SEMA3C: variants seen among roughly 807,000 people sequenced by gnomAD.
SEMA3C encodes semaphorin 3C.
Under a neutral mutation model 89.4 loss-of-function variants are expected in SEMA3C, and 47 were observed. That is an observed-to-expected ratio of 0.53 (90% CI 0.42 to 0.67). SEMA3C has a LOEUF of 0.67. Among genes scored for constraint, SEMA3C ranks in the 30% least tolerant of loss-of-function variants. SEMA3C has a pLI of 0.00. For missense variants in SEMA3C, 839 were observed against 929.1 expected (o/e 0.90, Z 1.26); for synonymous variants, 310 against 320.2 (o/e 0.97, Z 0.34).
At chr7:80,770,389 A>C (rs997841670) in intron 12 of SEMA3C, among the ~76,000 whole-genome samples, 3 of 152,166 alleles carry the variant, frequency 2.0e-5, no homozygotes, top group African/African-American at 7.2e-5. Context: ...CACAACTATA[A>C]ATCCTTTTTA....
intron 5 of SEMA3C, among the ~76,000 whole-genome samples, chr7:80,815,185 A>T (rs1384434997): frequency 1.3e-5 from 2 of 152,178 alleles, no homozygotes; most frequent in Non-Finnish European, 2.9e-5. Context: ...GTGAAAAATT[A>T]AAAAGTAGGC....
chr7:80,758,099 G>C lies in SEMA3C; in HGVS notation c.1643+232C>G, dbSNP rs552779344. Among the ~76,000 whole-genome samples, 8 of 152,302 alleles carry C rather than the reference G, an allele frequency of 5.3e-5. No individual in the cohort carries two copies. In the South Asian group the frequency reaches 1.4e-3, roughly 28 times the overall value. On this transcript the variant is annotated intron_variant, in intron 15 of 17. Coordinates refer to ENST00000265361, the MANE Select transcript of SEMA3C (RefSeq NM_006379.5). ...GTGTTACAGAGGAGCTTTGAAGGGA[G>C]AAAGGACTCTTTCCAAAGTACTGTA...
intron 2 of SEMA3C, among the ~76,000 whole-genome samples, chr7:80,865,709 C>T (rs1044722005): frequency 2.0e-5 from 3 of 152,120 alleles, no homozygotes; most frequent in African/African-American, 7.2e-5. Flanking sequence ...ACAGGAGAAT[C>T]ACTTGAACCC....
chr7:80,744,944 T>C lies in SEMA3C; in HGVS notation c.2206A>G (p.Ile736Val), dbSNP rs376794791. Reference protein sequence around the residue: ...RGDYGKLKALINSRKSRNRRN... With the variant: ...RGDYGKLKALVNSRKSRNRRN... ...CTGTTTCTACTTTTCCGACTATTGA[T>C]GAGGGCCTTTAACTTGCCATAGTCC... The change falls in exon 18 of 18, where the codon ATC becomes GTC. Residue 736 changes from isoleucine (I) to valine (V), a missense_variant. By Grantham distance (29) the Ile-to-Val change is conservative. Transcript: ENST00000265361. 7.4e-5 allele frequency: 120 copies of C among 1,614,008 alleles called. No homozygotes were observed. Among genetic ancestry groups the C allele is most frequent in the Non-Finnish European group, 9.5e-5 (112 of 1,179,990 alleles).
intron 2 of SEMA3C, among the ~76,000 whole-genome samples, chr7:80,877,987 C>T (rs1464956880): frequency 6.6e-6 from 1 of 152,266 alleles, no homozygotes; most frequent in Non-Finnish European, 1.5e-5. Flanking sequence ...GTATTGACAA[C>T]TTAAAATTTA....
At chr7:80,750,473 T>TATATATATACATACACACAC (rs869227686) in intron 16 of SEMA3C, among the ~76,000 whole-genome samples, 1 of 55,436 alleles carries the variant, frequency 1.8e-5, no homozygotes, top group Non-Finnish European at 3.5e-5. Context: ...TATATATATA[T>TATATATATACATACACACAC]ACACACACAC....
intron 4 of SEMA3C, 29 bp downstream of exon 4, chr7:80,827,396 T>TTTG: frequency 4.4e-6 from 4 of 917,462 alleles, no homozygotes; most frequent in Admixed American, 5.1e-5. Flanking sequence ...GTTAGTGTTT[T>TTTG]TTTTTTTTTT....
At chr7:80,787,825 G>T (rs985321304) in intron 12 of SEMA3C, among the ~76,000 whole-genome samples, 2 of 152,170 alleles carry the variant, frequency 1.3e-5, no homozygotes, top group African/African-American at 4.8e-5. Context: ...GCAGAGTGAG[G>T]AACAGTTATT....
At chr7:80,764,571 T>TTC (rs1562864686) in intron 13 of SEMA3C, among the ~76,000 whole-genome samples, 1 of 151,982 alleles carries the variant, frequency 6.6e-6, no homozygotes, top group Non-Finnish European at 1.5e-5. Flanking sequence ...ATGTTTTTTT[T>TTC]TCTGTCCTTT....
At chr7:80,782,837 G>C (rs1223869173) in intron 12 of SEMA3C, among the ~76,000 whole-genome samples, 1 of 151,920 alleles carries the variant, frequency 6.6e-6, no homozygotes, top group Non-Finnish European at 1.5e-5. Flanking sequence ...TATTTATAAG[G>C]GTTGGATGAA....
intron 10 of SEMA3C, among the ~76,000 whole-genome samples, chr7:80,798,540 T>C (rs374670556): frequency 7.2e-5 from 11 of 152,338 alleles, no homozygotes; most frequent in African/African-American, 2.6e-4. Flanking sequence ...AGCAAGAAAG[T>C]ATACTGATGA....
chr7:80,793,306 A>G (rs1397757438), intron 11 of SEMA3C: 1 of 230,378 alleles, frequency 4.3e-6, no homozygotes, highest in Non-Finnish European at 8.7e-6. Context: ...ATTCATAAAT[A>G]TCTGCTGCCT....
Position 80,827,482 on chromosome 7 carries a change from GA to G in SEMA3C, c.269del (p.Phe90SerfsTer29). 1.3e-6 allele frequency: 2 copies of G among 1,590,872 alleles called. No homozygotes were observed. Among genetic ancestry groups the G allele is most frequent in the Non-Finnish European group, 1.7e-6 (2 of 1,170,816 alleles). ...CAACTTTGATTGTAGATGCTGGCCA[GA>G]AAACCTGCTCAGAAAGAAAAATAAA... is the stretch of plus-strand genomic sequence containing the variant. ...NNISQEALSVFWPASTIKVEE... is the reference protein window; with the variant it reads ...NNISQEALSVXWPASTIKVEE... On this transcript the variant is annotated frameshift_variant, in exon 4 of 18. Coordinates refer to ENST00000265361, the MANE Select transcript of SEMA3C (RefSeq NM_006379.5). LOFTEE classifies it high-confidence loss of function.
At chr7:80,794,152 C>T (rs949544198) in intron 11 of SEMA3C, among the ~76,000 whole-genome samples, 1 of 151,924 alleles carries the variant, frequency 6.6e-6, no homozygotes, top group Non-Finnish European at 1.5e-5. Context: ...CGAAAAATCA[C>T]TTATTCATTT....
intron 16 of SEMA3C, among the ~76,000 whole-genome samples, chr7:80,749,510 A>AG (rs1407532532): frequency 6.6e-6 from 1 of 152,302 alleles, no homozygotes; most frequent in African/African-American, 2.4e-5. Flanking sequence ...GGGAAAGGGC[A>AG]GAAAGTATTG....
intron 2 of SEMA3C, among the ~76,000 whole-genome samples, chr7:80,866,360 T>C (rs534463189): frequency 2.2e-4 from 34 of 152,266 alleles, no homozygotes; most frequent in Admixed American, 5.2e-4. Context: ...ATAAAAACCA[T>C]ACTTTAAGAG....
At position 80,754,841 on chromosome 7, in the gene SEMA3C, G is replaced by A. The variant is rs754848461; in HGVS notation, c.1643+3490C>T. 1.9e-4 allele frequency among the ~76,000 whole-genome samples: 29 copies of A among 151,884 alleles called. 1 individual carries two copies. Among genetic ancestry groups the A allele is most frequent in the Non-Finnish European group, 2.2e-4 (15 of 67,962 alleles). ...CTCCCAGGCTAGAGTGCAATGGCGC[G>A]ATCTCAGCTCACTGCAATCTCCGCC... On this transcript the variant is annotated intron_variant, in intron 15 of 17. Coordinates refer to ENST00000265361, the MANE Select transcript of SEMA3C (RefSeq NM_006379.5).
In SEMA3C at chr7:80,789,498, G is replaced by C; in HGVS notation, c.1162C>G (p.Arg388Gly). Reference protein sequence around the residue: ...CPGGAFTPNMRTTKEFPDDVV... With the variant: ...CPGGAFTPNMGTTKEFPDDVV... Reference sequence around the variant, plus strand: ...TCATCTGGGAACTCCTTGGTGGTTCGCATATTGGGTGTAAATGCTCCTCCT... The same window carrying C: ...TCATCTGGGAACTCCTTGGTGGTTCCCATATTGGGTGTAAATGCTCCTCCT... The change falls in exon 12 of 18, where the codon CGA becomes GGA. Residue 388 changes from arginine (R) to glycine (G), a missense_variant. Transcript: ENST00000265361. 6.2e-7 allele frequency: 1 copy of C among 1,612,824 alleles called. No homozygotes were observed. Among genetic ancestry groups the C allele is most frequent in the Non-Finnish European group, 8.5e-7 (1 of 1,179,332 alleles).
intron 2 of SEMA3C, among the ~76,000 whole-genome samples, chr7:80,909,656 C>T (rs781361411): frequency 1.4e-4 from 22 of 151,926 alleles, no homozygotes; most frequent in Non-Finnish European, 2.9e-5. Flanking sequence ...CATAAATGAG[C>T]AGAGTGGAAT....
Sources: gnomAD v4.1 joint callset for allele counts (sites outside exome capture counted in the v4.1 genomes callset) on GRCh38, gnomAD v4.1.1 for gene constraint, MANE v1.5 for transcripts, NCBI Gene and HGNC (gene_info 2026-07-23, HGNC 2026-07-21) for gene names.